The following RAD51B variants were observed in gnomAD, a reference collection of about 807,000 sequenced individuals.
The protein encoded by RAD51B is RAD51 paralog B, also known as DNA repair protein RAD51 homolog 2.
Under a neutral mutation model 42.2 loss-of-function variants are expected in RAD51B, and 38 were observed. That is an observed-to-expected ratio of 0.90 (90% CI 0.70 to 1.18). The LOEUF (loss-of-function observed/expected upper bound fraction) is 1.18. Among genes scored for constraint, RAD51B ranks in the 50% most tolerant of loss-of-function variants. The pLI is 0.00. For missense variants in RAD51B, 373 were observed against 400.7 expected, an observed-to-expected ratio of 0.93 and a Z score of 0.59; for synonymous variants, 154 against 145.2, an observed-to-expected ratio of 1.06 and a Z score of -0.43.
At chr14:68,205,576 T>C (rs2079568469) in intron 7 of RAD51B, among the ~76,000 whole-genome samples, 1 of 152,164 alleles carries the variant, frequency 6.6e-6, no homozygotes, top group Admixed American at 6.5e-5. Flanking sequence ...ATCCAGGCTT[T>C]TTTGGTTGTT....
chr14:67,954,698 G>A (rs1293680069), intron 7 of RAD51B, among the ~76,000 whole-genome samples: 1 of 152,180 alleles, frequency 6.6e-6, no homozygotes, highest in Non-Finnish European at 1.5e-5. Context: ...ATGAATGGGA[G>A]GATAGAGATG....
At chr14:68,503,111 G>A (rs1885036714) in intron 10 of RAD51B, among the ~76,000 whole-genome samples, 1 of 152,200 alleles carries the variant, frequency 6.6e-6, no homozygotes, top group African/African-American at 2.4e-5. Flanking sequence ...TTCTGAAGTG[G>A]AGACAACAAA....
intron 7 of RAD51B, among the ~76,000 whole-genome samples, chr14:68,238,900 A>G (rs959965460): frequency 3.3e-5 from 5 of 152,222 alleles, no homozygotes; most frequent in African/African-American, 4.8e-5. Context: ...GATCTATATC[A>G]GAGAACTGGT....
intron 11 of RAD51B, among the ~76,000 whole-genome samples, chr14:68,661,152 G>A (rs1327077925): frequency 6.6e-6 from 1 of 152,200 alleles, no homozygotes; most frequent in Non-Finnish European, 1.5e-5. Context: ...AAGGGCCCTT[G>A]AGGGTTTCTG....
intron 4 of RAD51B, chr14:67,843,525 A>G (rs985422446): frequency 6.6e-6 from 1 of 151,864 alleles, no homozygotes; most frequent in African/African-American, 2.4e-5. Flanking sequence ...ACTTAATTCA[A>G]TTTCGGACCT....
At chr14:67,886,267 G>A (rs535546459) in intron 6 of RAD51B, among the ~76,000 whole-genome samples, 11 of 152,282 alleles carry the variant, frequency 7.2e-5, no homozygotes, top group African/African-American at 2.4e-4. Context: ...GCTTAAAACA[G>A]CAAATACATA....
intron 10 of RAD51B, among the ~76,000 whole-genome samples, chr14:68,559,006 T>C (rs1160380652): frequency 6.6e-6 from 1 of 151,488 alleles, no homozygotes; most frequent in African/African-American, 2.4e-5. Flanking sequence ...TATTTACATG[T>C]ATATATATAT....
chr14:68,208,488 T>G (rs1378885206), intron 7 of RAD51B, among the ~76,000 whole-genome samples: 1 of 152,224 alleles, frequency 6.6e-6, no homozygotes, highest in East Asian at 1.9e-4. Context: ...TCTAACAGGA[T>G]CATGTCCGTG....
chr14:68,487,425 C>T (rs1045282904), intron 10 of RAD51B, among the ~76,000 whole-genome samples: 2 of 152,010 alleles, frequency 1.3e-5, no homozygotes, highest in Non-Finnish European at 2.9e-5. Context: ...GAGGCTAGGA[C>T]CTCATATTTA....
chr14:68,361,401 G>T (rs1292171789), intron 8 of RAD51B, among the ~76,000 whole-genome samples: 1 of 152,158 alleles, frequency 6.6e-6, no homozygotes, highest in African/African-American at 2.4e-5. Flanking sequence ...GAGTGAATGA[G>T]CGGCCTTGAA....
chr14:68,054,061 C>A (rs983838016), intron 7 of RAD51B, among the ~76,000 whole-genome samples: 1 of 152,188 alleles, frequency 6.6e-6, no homozygotes, highest in African/African-American at 2.4e-5. Flanking sequence ...TGTTTCCATG[C>A]ATGTTTCCTG....
At chr14:68,241,426 C>A (rs1445595020) in intron 7 of RAD51B, among the ~76,000 whole-genome samples, 1 of 152,122 alleles carries the variant, frequency 6.6e-6, no homozygotes, top group Non-Finnish European at 1.5e-5. Context: ...CCTGTGGTCC[C>A]AGCTACTCGG....
chr14:67,863,048 C>T (rs1323276120), intron 4 of RAD51B, among the ~76,000 whole-genome samples: 1 of 151,552 alleles, frequency 6.6e-6, no homozygotes, highest in Non-Finnish European at 1.5e-5. Context: ...ACTGATCTCT[C>T]ATAATCTGGC....
chr14:67,893,505 CACACAA>C (rs200226610), intron 7 of RAD51B, among the ~76,000 whole-genome samples: 25,719 of 99,448 alleles, frequency 0.26, 3,198 homozygotes, highest in East Asian at 0.31. Flanking sequence ...CACACACACA[CACACAA>C]AAAAAAACAA....
intron 10 of RAD51B, among the ~76,000 whole-genome samples, chr14:68,473,290 G>A (rs1007655818): frequency 6.6e-5 from 10 of 152,222 alleles, no homozygotes; most frequent in African/African-American, 2.4e-4. Flanking sequence ...CAGAGGTCAT[G>A]GAGAAGAAGG....
intron 7 of RAD51B, among the ~76,000 whole-genome samples, chr14:67,995,486 G>A (rs528888766): frequency 2.7e-4 from 41 of 152,226 alleles, no homozygotes; most frequent in Middle Eastern, 3.4e-3. Context: ...GGGAACTTAG[G>A]ATCTTTTTCT....
chr14:67,878,919 G>C (rs2042815975), intron 5 of RAD51B, among the ~76,000 whole-genome samples: 1 of 152,116 alleles, frequency 6.6e-6, no homozygotes, highest in Non-Finnish European at 1.5e-5. Context: ...TCGCCATGTT[G>C]GCCAGGCTGG....
exon 11 of RAD51B, chr14:68,611,326 C>T: frequency 1.5e-6 from 1 of 685,500 alleles, no homozygotes; most frequent in South Asian, 1.5e-5. Flanking sequence ...TTCTGAACCT[C>T]CAGGGAAGTT....
At chr14:68,430,214 T>G (rs916912958) in intron 9 of RAD51B, among the ~76,000 whole-genome samples, 10 of 152,300 alleles carry the variant, frequency 6.6e-5, no homozygotes, top group African/African-American at 2.4e-4. Flanking sequence ...TGGCTTAGGA[T>G]TGTCTTGGCA....
Sources: allele counts gnomAD v4.1 joint callset (sites outside exome capture counted in the v4.1 genomes callset), GRCh38; gene constraint gnomAD v4.1.1; transcripts MANE v1.5; gene names NCBI Gene and HGNC (gene_info 2026-07-23, HGNC 2026-07-21).